GPR39: variants seen among roughly 807,000 people sequenced by gnomAD.
The protein encoded by GPR39 is zinc sensing receptor.
GPR39 carries 23 observed loss-of-function variants against 18.4 expected under a neutral mutation model. The ratio of observed to expected loss-of-function variants is 1.25; its 90% confidence interval spans 0.90 to 1.77. The LOEUF (loss-of-function observed/expected upper bound fraction) is 1.77, where lower values mean the gene tolerates loss of function less well. GPR39 is among the 40% of genes most tolerant of loss of function. The pLI is 0.00. For synonymous variants in GPR39, 280 were observed against 257.9 expected (o/e 1.09, Z -0.82); for missense variants, 647 against 602.4 (o/e 1.07, Z -0.78).
Position 132,479,043 on chromosome 2 carries a change from C to G in GPR39, c.856+61145C>G, listed in dbSNP as rs955333810. On this transcript the variant is annotated intron_variant, in intron 1 of 1. Transcript: ENST00000329321. ...AAAACCTTCTTTCCCCACTTCTCCC[C>G]CTTCCCAGCACACAAAAAGGACAGC... Among the ~76,000 whole-genome samples the G allele has an allele frequency of 4.6e-5, 7 of 152,234 alleles. No homozygotes were observed. In the South Asian group the frequency reaches 1.2e-3, roughly 27 times the overall value.
At chr2:132,479,043 C>T (rs955333810) in intron 1 of GPR39, among the ~76,000 whole-genome samples, 3 of 152,116 alleles carry the variant, frequency 2.0e-5, no homozygotes, top group Admixed American at 2.0e-4. Flanking sequence ...CACTTCTCCC[C>T]CTTCCCAGCA....
At position 132,503,285 on chromosome 2, in the gene GPR39, C is replaced by G. The variant is rs116369316; in HGVS notation, c.856+85387C>G. Among the ~76,000 whole-genome samples, 1,500 of 152,268 alleles carry G rather than the reference C, an allele frequency of 9.9e-3. 28 individuals are homozygous for G. The highest frequency in any genetic ancestry group is 0.034 in the African/African-American group (1,427 of 41,538). On this transcript the variant is annotated intron_variant, in intron 1 of 1. Coordinates refer to ENST00000329321, the MANE Select transcript of GPR39 (RefSeq NM_001508.3). ...TGCTATTTTGATGTGGTGTTCTCCC[C>G]CTTCCTCTAGGAATGGGGCTTCCTG...
At chr2:132,492,401 T>A (rs1027234888) in intron 1 of GPR39, among the ~76,000 whole-genome samples, 24 of 142,898 alleles carry the variant, frequency 1.7e-4, no homozygotes, top group Non-Finnish European at 3.0e-4. Context: ...ACACCATATA[T>A]ATACATACCA....
chr2:132,533,071 T>C (rs1184246525), intron 1 of GPR39, among the ~76,000 whole-genome samples: 1 of 152,164 alleles, frequency 6.6e-6, no homozygotes, highest in Non-Finnish European at 1.5e-5. Flanking sequence ...TGTTTGCAGA[T>C]GACATGATTG....
At chr2:132,511,427 T>G (rs1679240150) in intron 1 of GPR39, among the ~76,000 whole-genome samples, 1 of 152,182 alleles carries the variant, frequency 6.6e-6, no homozygotes. Flanking sequence ...TACACTAATT[T>G]GAATGAAATA....
chr2:132,452,766 C>T (rs539226764), intron 1 of GPR39, among the ~76,000 whole-genome samples: 9 of 151,870 alleles, frequency 5.9e-5, no homozygotes, highest in East Asian at 3.9e-4. Context: ...CGGAGAATGA[C>T]GGTTTCCAGC....
chr2:132,420,253 C>T (rs182681758), intron 1 of GPR39, among the ~76,000 whole-genome samples: 105 of 152,236 alleles, frequency 6.9e-4, no homozygotes, highest in East Asian at 1.4e-3. Context: ...ATTTTCTCTG[C>T]GGTAGGTTTT....
intron 1 of GPR39, among the ~76,000 whole-genome samples, chr2:132,571,219 C>T (rs2104814725): frequency 6.6e-6 from 1 of 152,312 alleles, no homozygotes; most frequent in Middle Eastern, 3.4e-3. Context: ...CTAGAATCGA[C>T]ATCTTACATG....
chr2:132,487,774 A>G (rs994465230), intron 1 of GPR39, among the ~76,000 whole-genome samples: 4 of 152,204 alleles, frequency 2.6e-5, no homozygotes, highest in Admixed American at 6.5e-5. Flanking sequence ...AAATGAGAGG[A>G]TAAGAGTCGT....
intron 1 of GPR39, among the ~76,000 whole-genome samples, chr2:132,541,235 C>T (rs568061424): frequency 4.6e-4 from 70 of 152,220 alleles, no homozygotes; most frequent in African/African-American, 1.6e-3. Flanking sequence ...AGGTATGTGT[C>T]ACCACGCTCA....
intron 1 of GPR39, among the ~76,000 whole-genome samples, chr2:132,542,791 C>T (rs1404331577): frequency 6.6e-6 from 1 of 151,854 alleles, no homozygotes; most frequent in African/African-American, 2.4e-5. Flanking sequence ...CTTCAACATC[C>T]ATTCTCCTCT....
At chr2:132,608,946 A>G (rs775085418) in intron 1 of GPR39, among the ~76,000 whole-genome samples, 5 of 152,202 alleles carry the variant, frequency 3.3e-5, no homozygotes, top group African/African-American at 4.8e-5. Flanking sequence ...ACCTGCCAAC[A>G]TCACAAGGCC....
intron 1 of GPR39, among the ~76,000 whole-genome samples, chr2:132,636,161 T>C (rs1414238181): frequency 6.6e-6 from 1 of 152,244 alleles, no homozygotes. Flanking sequence ...AAGTGGTAGC[T>C]GGTGTCTGGT....
At chr2:132,595,601 T>C (rs1046595560) in intron 1 of GPR39, among the ~76,000 whole-genome samples, 2 of 152,134 alleles carry the variant, frequency 1.3e-5, no homozygotes, top group African/African-American at 4.8e-5. Context: ...ATTCCTTTTC[T>C]TTAGGCATGG....
intron 1 of GPR39, among the ~76,000 whole-genome samples, chr2:132,614,239 C>G (rs1250232040): frequency 6.6e-6 from 1 of 150,864 alleles, no homozygotes; most frequent in Non-Finnish European, 1.5e-5. Flanking sequence ...CAGAGTCTTG[C>G]TCTGTCGCAC....
At position 132,417,425 on chromosome 2, in the gene GPR39, C is replaced by T. The variant is rs1426897618; in HGVS notation, c.383C>T (p.Thr128Ile). The stretch of plus-strand genomic sequence containing the variant: ...TACGCTACGCTGCTGCACGTGCTGA[C>T]ACTCAGCTTTGAGCGCTACATCGCC... The part of the protein sequence containing the change: ...CSYATLLHVL[T>I]LSFERYIAIC... Residue 128 changes from threonine (T) to isoleucine (I), a missense_variant, in exon 1 of 2, where the codon ACA becomes ATA. Around this residue, in one of 3 missense-constraint regions of GPR39, gnomAD observed 581 missense variants for 506.8 expected, o/e 1.15. Transcript: ENST00000329321. 1 of 1,614,194 alleles carries T rather than the reference C, an allele frequency of 6.2e-7. No homozygotes were observed. The highest frequency in any genetic ancestry group is 2.2e-5 in the East Asian group (1 of 44,868).
intron 1 of GPR39, among the ~76,000 whole-genome samples, chr2:132,498,659 C>A (rs934837481): frequency 1.3e-5 from 2 of 152,146 alleles, no homozygotes; most frequent in African/African-American, 2.4e-5. Flanking sequence ...CACTGTTTTC[C>A]ATAGTGGTTG....
At chr2:132,610,777 CAAAAA>C (rs34611787) in intron 1 of GPR39, among the ~76,000 whole-genome samples, 1 of 88,720 alleles carries the variant, frequency 1.1e-5, no homozygotes, top group Admixed American at 1.2e-4. Flanking sequence ...ACTCTGTCTC[CAAAAA>C]AAAAAAAAAA....
intron 1 of GPR39, among the ~76,000 whole-genome samples, chr2:132,526,344 G>C (rs1679508525): frequency 6.6e-6 from 1 of 152,188 alleles, no homozygotes; most frequent in Non-Finnish European, 1.5e-5. Context: ...GTGAGGGACT[G>C]CCTTCCAGTC....
Sources: allele counts gnomAD v4.1 joint callset (sites outside exome capture counted in the v4.1 genomes callset), GRCh38; gene constraint gnomAD v4.1.1; regional missense constraint gnomAD v4.1.1; transcripts MANE v1.5; gene names NCBI Gene and HGNC (gene_info 2026-07-23, HGNC 2026-07-21).